IPO11: variants seen among roughly 807,000 people sequenced by gnomAD.
IPO11 encodes importin-11.
A neutral mutation model predicts 143.2 loss-of-function variants in IPO11; 66 were observed. That is an observed-to-expected ratio of 0.46 (90% CI 0.38 to 0.57). The LOEUF (loss-of-function observed/expected upper bound fraction) is 0.57, where lower values mean the gene tolerates loss of function less well. IPO11 is among the 20% of genes least tolerant of loss of function. The pLI is 0.00. For missense variants in IPO11, 1,026 were observed against 1,141.0 expected, an observed-to-expected ratio of 0.90 and a Z score of 1.45; for synonymous variants, 385 against 377.8, an observed-to-expected ratio of 1.02 and a Z score of -0.22.
intron 24 of IPO11, among the ~76,000 whole-genome samples, chr5:62,547,453 T>G (rs1379026859): frequency 6.6e-6 from 1 of 152,098 alleles, no homozygotes; most frequent in African/African-American, 2.4e-5. Context: ...CTTTTTCACC[T>G]TTGGTCCACT....
At position 62,508,211 on chromosome 5, in the gene IPO11, T is replaced by A. The variant is rs115438857; in HGVS notation, c.1782+1854T>A. ...GCGCATCTCAGCTGACTGTACCCTC[T>A]TCTCCAATCTCCTGGGTTCAAGTGA... is the stretch of plus-strand genomic sequence containing the variant. On this transcript the variant is annotated intron_variant, in intron 19 of 29. Coordinates refer to ENST00000325324, the MANE Select transcript of IPO11 (RefSeq NM_016338.5). 7.3e-3 allele frequency among the ~76,000 whole-genome samples: 1,110 copies of A among 152,220 alleles called. 11 individuals carry two copies. Among genetic ancestry groups the A allele is most frequent in the African/African-American group, 0.026 (1,068 of 41,544 alleles).
intron 16 of IPO11, among the ~76,000 whole-genome samples, chr5:62,497,685 T>C (rs545171803): frequency 1.3e-5 from 2 of 152,202 alleles, no homozygotes; most frequent in Non-Finnish European, 2.9e-5. Flanking sequence ...GCCAGGCTGG[T>C]CTAGAACTCT....
intron 1 of IPO11, among the ~76,000 whole-genome samples, chr5:62,424,018 A>C (rs1201481140): frequency 6.6e-6 from 1 of 152,106 alleles, no homozygotes; most frequent in East Asian, 1.9e-4. Flanking sequence ...CTTGGGCTAT[A>C]GATCATGATT....
At chr5:62,598,337 A>T (rs1221278744) in intron 28 of IPO11, among the ~76,000 whole-genome samples, 1 of 151,602 alleles carries the variant, frequency 6.6e-6, no homozygotes, top group East Asian at 1.9e-4. Flanking sequence ...CCAACTGAAC[A>T]ATGTCAGTTT....
intron 1 of IPO11, among the ~76,000 whole-genome samples, chr5:62,416,182 C>CTTTTTTTTTTTTTTTTTT (rs869236693): frequency 8.1e-6 from 1 of 123,508 alleles, no homozygotes. Context: ...TTTTTCTTTT[C>CTTTTTTTTTTTTTTTTTT]TTTTTTTTTT....
intron 27 of IPO11, among the ~76,000 whole-genome samples, chr5:62,588,554 G>A (rs973046629): frequency 3.9e-5 from 6 of 152,104 alleles, no homozygotes; most frequent in African/African-American, 1.4e-4. Flanking sequence ...GTTTGCACTT[G>A]GTGTTATGGG....
intron 20 of IPO11, among the ~76,000 whole-genome samples, chr5:62,525,356 CT>C (rs70981021): frequency 0.71 from 102,168 of 144,494 alleles, 36,285 homozygotes; most frequent in African/African-American, 0.82. Flanking sequence ...TCCTCCCATC[CT>C]TTTTTTTTTT....
chr5:62,454,136 A>C (rs566257568), intron 5 of IPO11, among the ~76,000 whole-genome samples: 8 of 151,882 alleles, frequency 5.3e-5, no homozygotes, highest in African/African-American at 1.9e-4. Flanking sequence ...CTCCATCTCA[A>C]ATAAAAAATA....
At position 62,506,132 on chromosome 5, in the gene IPO11, G is replaced by A. The variant is rs537642579; in HGVS notation, c.1666-109G>A. Reference sequence around the variant, plus strand: ...ATGCCAAGCTTTTGGCTGTTTATTTGACTTACTGCTTTGACATTATGATTT... The same window carrying A: ...ATGCCAAGCTTTTGGCTGTTTATTTAACTTACTGCTTTGACATTATGATTT... On this transcript the variant is annotated intron_variant, in intron 18 of 29. Coordinates refer to ENST00000325324, the MANE Select transcript of IPO11 (RefSeq NM_016338.5). 7.2e-6 allele frequency: 4 copies of A among 558,278 alleles called. No individual in the cohort carries two copies. The South Asian group carries it at 8.6e-5, about 12-fold the overall frequency. The allele number at this position is 558,278 out of a possible 1,614,324, so 34.6% of individuals were successfully genotyped here. A position where few individuals can be genotyped will look rare whatever the true frequency, so the allele number is the denominator to read the frequency against.
At chr5:62,532,103 G>A (rs1742566323) in intron 22 of IPO11, among the ~76,000 whole-genome samples, 1 of 152,154 alleles carries the variant, frequency 6.6e-6, no homozygotes, top group African/African-American at 2.4e-5. Flanking sequence ...ACAACATTCA[G>A]CTGCTTCCAC....
intron 18 of IPO11, among the ~76,000 whole-genome samples, chr5:62,505,226 G>A (rs1000211344): frequency 1.3e-5 from 2 of 151,278 alleles, no homozygotes; most frequent in Non-Finnish European, 3.0e-5. Context: ...TGCTCCTTAG[G>A]TTATTTCTCT....
intron 19 of IPO11, among the ~76,000 whole-genome samples, chr5:62,514,562 G>T (rs547459001): frequency 6.8e-6 from 1 of 146,922 alleles, no homozygotes; most frequent in East Asian, 2.0e-4. Context: ...GCTTTGGCCC[G>T]GCATGAGAGG....
At chr5:62,598,518 C>CTTTCTTTCT (rs1561380859) in intron 28 of IPO11, among the ~76,000 whole-genome samples, 53 of 5,764 alleles carry the variant, frequency 9.2e-3, no homozygotes, top group Non-Finnish European at 0.011. Context: ...TTCTTTCTTT[C>CTTTCTTTCT]TTTCTTTCTT....
At chr5:62,563,837 C>T (rs1435788914) in intron 27 of IPO11, among the ~76,000 whole-genome samples, 1 of 152,070 alleles carries the variant, frequency 6.6e-6, no homozygotes, top group Non-Finnish European at 1.5e-5. Context: ...CTCAATCTAT[C>T]GTTGGCATCT....
intron 3 of IPO11, among the ~76,000 whole-genome samples, chr5:62,445,536 T>C (rs1393772931): frequency 6.6e-5 from 10 of 152,138 alleles, no homozygotes; most frequent in Non-Finnish European, 1.5e-4. Flanking sequence ...AATATATATG[T>C]ATTCAGTAGA....
intron 14 of IPO11, among the ~76,000 whole-genome samples, chr5:62,489,826 T>G (rs1053867997): frequency 6.6e-6 from 1 of 152,212 alleles, no homozygotes; most frequent in Non-Finnish European, 1.5e-5. Context: ...CATAAAATAT[T>G]ACATCCATTT....
At chr5:62,579,682 G>A in intron 27 of IPO11, 1 of 1,547,060 alleles carries the variant, frequency 6.5e-7, no homozygotes, top group South Asian at 1.2e-5. Context: ...TGAATTAACA[G>A]GACTTCATTC....
At chr5:62,562,345 C>G (rs144155449) in intron 27 of IPO11, 1 of 152,642 alleles carries the variant, frequency 6.6e-6, no homozygotes, top group Non-Finnish European at 1.5e-5. Context: ...CGGTCCCCAG[C>G]CTTCTTGGCA....
At chr5:62,609,699 C>G (rs1745861370) in intron 29 of IPO11, among the ~76,000 whole-genome samples, 2 of 152,238 alleles carry the variant, frequency 1.3e-5, no homozygotes, top group South Asian at 4.1e-4. Flanking sequence ...CTAGGCCTCC[C>G]AGTCACCAAT....
Sources: gnomAD v4.1 joint callset for allele counts (sites outside exome capture counted in the v4.1 genomes callset) on GRCh38, gnomAD v4.1.1 for gene constraint, MANE v1.5 for transcripts, NCBI Gene and HGNC (gene_info 2026-07-23, HGNC 2026-07-21) for gene names.